The following WDR82 variants were observed in gnomAD, a reference collection of about 807,000 sequenced individuals.
The protein encoded by WDR82 is WD repeat-containing protein 82.
In WDR82, 8 loss-of-function variants were observed where a neutral mutation model predicts 36.1. The observed-to-expected ratio is 0.22, with a 90% CI of 0.13 to 0.40. The LOEUF is 0.40. WDR82 is among the 10% of genes least tolerant of loss of function. WDR82 has a pLI of 1.00. For synonymous variants in WDR82, 129 were observed against 137.8 expected, an observed-to-expected ratio of 0.94 and a Z score of 0.45; for missense variants, 185 against 400.5, an observed-to-expected ratio of 0.46 and a Z score of 4.59.
chr3:52,270,969 A>G (rs1700148028), intron 1 of WDR82, among the ~76,000 whole-genome samples, 160 bp from the exon 2 acceptor site: 1 of 152,242 alleles, frequency 6.6e-6, no homozygotes, highest in African/African-American at 2.4e-5. Flanking sequence ...GGAAAAAACA[A>G]CGCTCAAGCA....
chr3:52,269,657 G>T (rs1220694324), intron 2 of WDR82, among the ~76,000 whole-genome samples: 1 of 152,172 alleles, frequency 6.6e-6, no homozygotes, highest in Admixed American at 6.5e-5. Context: ...TTGAACCCGG[G>T]AGGCGGAGGT....
rs141471824 is a variant in WDR82, at chr3:52,258,548, C to G, written c.900G>C (p.Ala300=). The G allele has an allele frequency of 6.2e-7, 1 of 1,613,690 alleles. No individual in the cohort carries two copies. The highest frequency in any genetic ancestry group is 1.7e-5 in the Admixed American group (1 of 59,984). The change falls in exon 8 of 9, where the codon GCG becomes GCC. Residue 300 remains alanine (A), a synonymous_variant. Coordinates refer to ENST00000296490, the MANE Select transcript of WDR82 (RefSeq NM_025222.4). ...ACTGTTCACATACCATGTTGGAACA[C>G]GCACTGGCAAAAGTCATGAACTTGG... ...FNPKFMTFAS[A]CSNMAFWLPT... is the part of the protein sequence containing the mutation.
rs1700019079 is a variant in WDR82 at position 52,257,385 on chromosome 3, C to T, written c.*105G>A. On this transcript the variant is annotated 3_prime_UTR_variant, in exon 9 of 9. Coordinates refer to ENST00000296490, the MANE Select transcript of WDR82 (RefSeq NM_025222.4). ...TGGGAAGGCCATGTAAAAGGATGTT[C>T]TCCAGCCCAGTCAAATGATCCAATC... is the stretch of plus-strand genomic sequence containing the variant. The T allele has an allele frequency of 6.0e-6, 9 of 1,504,432 alleles. No individual in the cohort carries two copies. Among genetic ancestry groups the T allele is most frequent in the Non-Finnish European group, 8.3e-6 (9 of 1,081,996 alleles). 93.2% of individuals were successfully genotyped at this position (1,504,432 alleles called of 1,614,324 possible). A position where few individuals can be genotyped will look rare whatever the true frequency, so the allele number is the denominator to read the frequency against.
chr3:52,268,099 T>C (rs867410823), intron 2 of WDR82: 12 of 297,050 alleles, frequency 4.0e-5, no homozygotes, highest in African/African-American at 2.6e-4. Flanking sequence ...ACAATTTTCC[T>C]TGAAAACATC....
At position 52,256,779 on chromosome 3, in the gene WDR82, C is replaced by T. The variant is rs1398307831; in HGVS notation, c.*711G>A. The stretch of plus-strand genomic sequence containing the variant: ...CCTAGGAACTCACCTGCTACCCTCC[C>T]GCTACCCTCCCCTTTCCCTCCCTTT... On this transcript the variant is annotated 3_prime_UTR_variant, in exon 9 of 9. Transcript: ENST00000296490. 1.3e-5 allele frequency: 2 copies of T among 153,336 alleles called. No individual in the cohort carries two copies. The highest frequency in any genetic ancestry group is 6.6e-5 in the Admixed American group (1 of 15,262). 9.5% of individuals were successfully genotyped at this position (153,336 alleles called of 1,614,324 possible). A position where few individuals can be genotyped will look rare whatever the true frequency, so the allele number is the denominator to read the frequency against.
At chr3:52,270,568 G>C in intron 2 of WDR82, 144 bp downstream of exon 2, 1 of 650,912 alleles carries the variant, frequency 1.5e-6, no homozygotes, top group South Asian at 2.3e-5. Context: ...CATTCCTTCA[G>C]TCAAAACAAT....
intron 2 of WDR82, 117 bp from the exon 3 acceptor site, chr3:52,267,135 G>A: frequency 1.3e-6 from 1 of 751,078 alleles, no homozygotes; most frequent in Non-Finnish European, 2.2e-6. Flanking sequence ...TCCCAAGCAA[G>A]GCATGAATAA....
intron 1 of WDR82, among the ~76,000 whole-genome samples, chr3:52,276,980 T>G (rs1400760520): frequency 6.8e-6 from 1 of 146,998 alleles, no homozygotes; most frequent in Admixed American, 6.8e-5. Flanking sequence ...AATGAAGAGA[T>G]ATGTTCCAAA....
intron 3 of WDR82, among the ~76,000 whole-genome samples, chr3:52,265,566 C>CTTTTTTTTTTTT (rs959125432): frequency 8.3e-6 from 1 of 120,750 alleles, no homozygotes; most frequent in Non-Finnish European, 1.7e-5. Flanking sequence ...GGAAGTGCAA[C>CTTTTTTTTTTTT]TTTTTTTTTT....
intron 3 of WDR82, among the ~76,000 whole-genome samples, chr3:52,266,672 A>C (rs1410647995): frequency 1.3e-5 from 2 of 152,136 alleles, no homozygotes; most frequent in African/African-American, 2.4e-5. Context: ...TCCCGGCCTC[A>C]AGTGATCCGC....
intron 1 of WDR82, among the ~76,000 whole-genome samples, chr3:52,274,644 C>T (rs1700186418): frequency 6.6e-6 from 1 of 152,136 alleles, no homozygotes; most frequent in African/African-American, 2.4e-5. Flanking sequence ...TATGTAATCC[C>T]AGCACTCTGG....
In WDR82 at chr3:52,256,523, G is replaced by A. The variant is rs1700011024; in HGVS notation, c.*967C>T. 6.5e-6 allele frequency: 1 copy of A among 153,756 alleles called. No homozygotes were observed. The highest frequency in any genetic ancestry group is 6.5e-5 in the Admixed American group (1 of 15,276). The allele number at this position is 153,756 out of a possible 1,614,324, so 9.5% of individuals were successfully genotyped here. A position where few individuals can be genotyped will look rare whatever the true frequency, so the allele number is the denominator to read the frequency against. On this transcript the variant is annotated 3_prime_UTR_variant, in exon 9 of 9. Coordinates refer to ENST00000296490, the MANE Select transcript of WDR82 (RefSeq NM_025222.4). ...TGGTTGGGAGCTGGGGAAAGGGGTG[G>A]TATCATCTGAAGACTATGTACACAA...
intron 3 of WDR82, among the ~76,000 whole-genome samples, chr3:52,265,391 A>C (rs1465303185): frequency 6.6e-6 from 1 of 151,096 alleles, no homozygotes; most frequent in Non-Finnish European, 1.5e-5. Context: ...ACGTCAAACA[A>C]CTGCATCAAC....
intron 6 of WDR82, 148 bp downstream of exon 6, chr3:52,259,569 G>C: frequency 2.0e-6 from 2 of 1,007,794 alleles, no homozygotes; most frequent in Non-Finnish European, 1.4e-6. Context: ...TCCAAGAGAG[G>C]TAAGTTCATG....
chr3:52,267,226 G>A (rs1700113826), intron 2 of WDR82: 1 of 393,266 alleles, frequency 2.5e-6, no homozygotes, highest in African/African-American at 2.1e-5. Context: ...TTCTTAAGTT[G>A]ACAGCATAGA....
rs1769 is a variant in WDR82, at chr3:52,256,534, A to G, written c.*956T>C. ...TGGGGAAAGGGGTGGTATCATCTGA[A>G]GACTATGTACACAATTTGTGGTGGG... On this transcript the variant is annotated 3_prime_UTR_variant, in exon 9 of 9. Coordinates refer to ENST00000296490, the MANE Select transcript of WDR82 (RefSeq NM_025222.4). The G allele has an allele frequency of 0.14, 22,187 of 153,734 alleles. 2,077 individuals carry two copies. Among genetic ancestry groups the G allele is most frequent in the African/African-American group, 0.26 (10,924 of 41,430 alleles). The allele number at this position is 153,734 out of a possible 1,614,324, so 9.5% of individuals were successfully genotyped here. A position where few individuals can be genotyped will look rare whatever the true frequency, so the allele number is the denominator to read the frequency against.
chr3:52,275,819 G>T (rs1233284679), intron 1 of WDR82, among the ~76,000 whole-genome samples: 1 of 152,180 alleles, frequency 6.6e-6, no homozygotes, highest in Non-Finnish European at 1.5e-5. Flanking sequence ...AGGAGCCGGA[G>T]GTTGCAGTGA....
chr3:52,259,935 C>T, intron 5 of WDR82, 63 bp from the exon 6 acceptor site: 1 of 1,540,528 alleles, frequency 6.5e-7, no homozygotes, highest in Non-Finnish European at 8.8e-7. Flanking sequence ...AGAGCCAATT[C>T]CCATCCTATT....
chr3:52,269,474 T>C (rs1164632214), intron 2 of WDR82, among the ~76,000 whole-genome samples: 3 of 150,476 alleles, frequency 2.0e-5, no homozygotes, highest in Non-Finnish European at 4.4e-5. Context: ...GGACTCTGTC[T>C]CAAAAGAATA....
Sources: gnomAD v4.1 joint callset for allele counts (sites outside exome capture counted in the v4.1 genomes callset) on GRCh38, gnomAD v4.1.1 for gene constraint, MANE v1.5 for transcripts, NCBI Gene and HGNC (gene_info 2026-07-23, HGNC 2026-07-21) for gene names.